NRXN3: variants seen among roughly 807,000 people sequenced by gnomAD.
The protein encoded by NRXN3 is neurexin 3, also known as neurexin III.
In NRXN3, 32 loss-of-function variants were observed where a neutral mutation model predicts 137.6. The observed-to-expected ratio is 0.23, with a 90% CI of 0.18 to 0.31. NRXN3 has a LOEUF of 0.31. Among genes scored for constraint, NRXN3 ranks in the 10% least tolerant of loss-of-function variants. The pLI is 1.00. For missense variants in NRXN3, 1,574 were observed against 2,062.5 expected (o/e 0.76, Z 4.59); for synonymous variants, 798 against 784.5 (o/e 1.02, Z -0.29).
At chr14:79,699,267 T>C (rs2154030493) in intron 19 of NRXN3, among the ~76,000 whole-genome samples, 1 of 152,022 alleles carries the variant, frequency 6.6e-6, no homozygotes, top group Non-Finnish European at 1.5e-5. Context: ...GAAAAGAAGA[T>C]AAAAGGCAAT....
chr14:79,472,616 T>G (rs546197302), intron 16 of NRXN3, among the ~76,000 whole-genome samples: 11 of 152,254 alleles, frequency 7.2e-5, no homozygotes, highest in Middle Eastern at 3.4e-3. Context: ...GTAGAGGAAT[T>G]TTTTAAAATC....
Position 78,601,457 on chromosome 14 carries a change from C to CT in NRXN3, c.758-43650dup, listed in dbSNP as rs33919299. Among the ~76,000 whole-genome samples the CT allele has an allele frequency of 9.8e-3, 1,417 of 143,906 alleles. 19 individuals are homozygous for CT. The highest frequency in any genetic ancestry group is 0.025 in the African/African-American group (980 of 39,484). The allele number at this position is 143,906 out of a possible 152,430, so 94.4% of individuals were successfully genotyped here. A position where few individuals can be genotyped will look rare whatever the true frequency, so the allele number is the denominator to read the frequency against. On this transcript the variant is annotated intron_variant, in intron 4 of 20. Coordinates refer to ENST00000335750, the MANE Select transcript of NRXN3 (RefSeq NM_001330195.2). Reference sequence around the variant, plus strand: ...TTCTATAGCCTGAAAAGTACTGATTCTTTTTTTTTTTTTGAGATGGAATCT... The same window carrying CT: ...TTCTATAGCCTGAAAAGTACTGATTCTTTTTTTTTTTTTTGAGATGGAATCT...
At chr14:79,024,533 T>C (rs2099595035) in intron 15 of NRXN3, among the ~76,000 whole-genome samples, 1 of 152,050 alleles carries the variant, frequency 6.6e-6, no homozygotes, top group South Asian at 2.1e-4. Context: ...GGTATTAAAG[T>C]GGAGTATAAA....
At chr14:78,976,784 T>C (rs2099468398) in intron 14 of NRXN3, among the ~76,000 whole-genome samples, 1 of 152,224 alleles carries the variant, frequency 6.6e-6, no homozygotes, top group Admixed American at 6.5e-5. Context: ...TGTGGCACAC[T>C]ACCAAAATGC....
At chr14:78,444,412 A>T (rs1175359055) in intron 4 of NRXN3, among the ~76,000 whole-genome samples, 1 of 152,056 alleles carries the variant, frequency 6.6e-6, no homozygotes, top group East Asian at 1.9e-4. Context: ...CAGCTCAAGG[A>T]GGGTCCATGT....
intron 15 of NRXN3, among the ~76,000 whole-genome samples, chr14:79,105,701 T>C (rs2052297315): frequency 6.6e-6 from 1 of 152,024 alleles, no homozygotes; most frequent in South Asian, 2.1e-4. Context: ...CTAAACTACT[T>C]AAGGAGCTAA....
Position 79,062,058 on chromosome 14 carries a change from G to A in NRXN3, c.3262+73917G>A, listed in dbSNP as rs375868233. 5.3e-4 allele frequency among the ~76,000 whole-genome samples: 80 copies of A among 152,286 alleles called. 1 individual carries two copies. In the South Asian group the frequency reaches 0.016, roughly 30 times the overall value. On this transcript the variant is annotated intron_variant, in intron 15 of 20. Transcript: ENST00000335750. The stretch of plus-strand genomic sequence containing the variant: ...AGCATGTTCATTTATTTAGTAAAAC[G>A]TCCATAATTTTTAAATTGCTTTATT...
intron 15 of NRXN3, among the ~76,000 whole-genome samples, chr14:79,213,011 T>C (rs2067927935): frequency 6.6e-6 from 1 of 152,196 alleles, no homozygotes; most frequent in South Asian, 2.1e-4. Flanking sequence ...CTGGTTAGTT[T>C]AGATACAATA....
intron 20 of NRXN3, among the ~76,000 whole-genome samples, chr14:79,845,551 GGATA>G (rs1176160102): frequency 2.4e-4 from 36 of 149,472 alleles, no homozygotes; most frequent in Non-Finnish European, 5.0e-4. Flanking sequence ...AGAGAGACAA[GGATA>G]GACAGAGAGA....
At chr14:79,396,273 T>G in intron 15 of NRXN3, among the ~76,000 whole-genome samples, 1 of 152,078 alleles carries the variant, frequency 6.6e-6, no homozygotes, top group African/African-American at 2.4e-5. Flanking sequence ...TATTTCCTGA[T>G]ATATTTATAT....
chr14:79,209,991 C>G (rs2067404699), intron 15 of NRXN3, among the ~76,000 whole-genome samples: 1 of 152,174 alleles, frequency 6.6e-6, no homozygotes, highest in Non-Finnish European at 1.5e-5. Flanking sequence ...TGGCATTGGT[C>G]ATTTGGTTAT....
Position 79,674,308 on chromosome 14 carries a change from T to C in NRXN3, c.3616+10359T>C, listed in dbSNP as rs1316110236. Among the ~76,000 whole-genome samples the C allele has an allele frequency of 2.0e-5, 3 of 151,982 alleles. No individual in the cohort carries two copies. The South Asian group carries it at 6.2e-4, about 32-fold the overall frequency. On this transcript the variant is annotated intron_variant, in intron 17 of 20. Coordinates refer to ENST00000335750, the MANE Select transcript of NRXN3 (RefSeq NM_001330195.2). The stretch of plus-strand genomic sequence containing the variant: ...GAGGGATGATTGATAGGCAAAAAAA[T>C]CCTGCGCATACTTTGATGAGTTTAG...
intron 1 of NRXN3, among the ~76,000 whole-genome samples, chr14:78,203,599 C>G (rs2061877548): frequency 6.6e-6 from 1 of 152,164 alleles, no homozygotes; most frequent in Admixed American, 6.5e-5. Context: ...TGTTCGGAAA[C>G]CTCAGTTAGT....
chr14:78,581,785 A>T (rs987492450), intron 4 of NRXN3, among the ~76,000 whole-genome samples: 1 of 152,188 alleles, frequency 6.6e-6, no homozygotes, highest in South Asian at 2.1e-4. Context: ...TGGACCCCAT[A>T]TAATAGCTTA....
intron 15 of NRXN3, among the ~76,000 whole-genome samples, chr14:79,263,818 C>T (rs1182569591): frequency 2.0e-5 from 3 of 151,192 alleles, no homozygotes; most frequent in South Asian, 2.1e-4. Flanking sequence ...ATGTACTACA[C>T]AACTCCGGGG....
chr14:78,673,168 C>T (rs914202482), intron 6 of NRXN3, among the ~76,000 whole-genome samples: 2 of 152,128 alleles, frequency 1.3e-5, no homozygotes, highest in African/African-American at 4.8e-5. Context: ...AGTCACCTGT[C>T]ATAAATTAAT....
intron 4 of NRXN3, among the ~76,000 whole-genome samples, chr14:78,414,355 A>G (rs1389959757): frequency 6.6e-6 from 1 of 152,134 alleles, no homozygotes; most frequent in South Asian, 2.1e-4. Context: ...GTGTAAGGGC[A>G]GGGTGGTTGT....
At chr14:78,927,558 T>C (rs2099309345) in intron 10 of NRXN3, among the ~76,000 whole-genome samples, 1 of 152,178 alleles carries the variant, frequency 6.6e-6, no homozygotes, top group African/African-American at 2.4e-5. Flanking sequence ...CATTACTTCA[T>C]ACAGTGTTGA....
chr14:78,330,921 C>T (rs921528853), intron 4 of NRXN3, among the ~76,000 whole-genome samples: 34 of 152,100 alleles, frequency 2.2e-4, no homozygotes, highest in Admixed American at 2.0e-3. Context: ...CCTGTTGCCC[C>T]TTATTAAATA....
Sources: gnomAD v4.1 joint callset for allele counts (sites outside exome capture counted in the v4.1 genomes callset) on GRCh38, gnomAD v4.1.1 for gene constraint, MANE v1.5 for transcripts, NCBI Gene and HGNC (gene_info 2026-07-23, HGNC 2026-07-21) for gene names.